The following SAFB2 variants were observed in gnomAD, a reference collection of about 807,000 sequenced individuals.
The protein encoded by SAFB2 is scaffold attachment factor B2.
Under a neutral mutation model 100.6 loss-of-function variants are expected in SAFB2, and 32 were observed. That is an observed-to-expected ratio of 0.32 (90% CI 0.24 to 0.43). SAFB2 has a LOEUF of 0.43. Among genes scored for constraint, SAFB2 ranks in the 20% least tolerant of loss-of-function variants. The pLI is 1.00. For missense variants in SAFB2, 1,185 were observed against 1,163.4 expected (o/e 1.02, Z -0.27); for synonymous variants, 500 against 439.4 (o/e 1.14, Z -1.72).
chr19:5,587,088 TAAAAA>T lies in SAFB2; in HGVS notation c.*150_*154del. On this transcript the variant is annotated 3_prime_UTR_variant, in exon 21 of 21. Transcript: ENST00000252542. The surrounding 1 kb of genome is among the most constrained non-coding windows in gnomAD (Gnocchi z 4.9). ...ATGGCAGAACAAGAACACATTTATT[TAAAAA>T]AAAAAAAAAAGTGAGTTCACATTGT... 1.3e-6 allele frequency: 1 copy of T among 790,934 alleles called. No individual in the cohort carries two copies. The highest frequency in any genetic ancestry group is 1.9e-6 in the Non-Finnish European group (1 of 531,728). The allele number at this position is 790,934 out of a possible 1,614,324, so 49.0% of individuals were successfully genotyped here.
rs2052271592 is a variant in SAFB2 at position 5,587,255 on chromosome 19, G to A, written c.2850C>T (p.Thr950=). The change falls in exon 21 of 21, where the codon ACC becomes ACT. Residue 950 remains threonine (T), a synonymous_variant. Coordinates refer to ENST00000252542, the MANE Select transcript of SAFB2 (RefSeq NM_014649.3). The surrounding 1 kb of genome is among the most constrained non-coding windows in gnomAD (Gnocchi z 4.9). ...HPHPPPYPHF[T]RRY Reference sequence around the variant, plus strand: ...CAGCGAGTGGGACTTAGTAGCGGCGGGTGAAGTGGGGGTACGGGGGGGGAT... The same window carrying A: ...CAGCGAGTGGGACTTAGTAGCGGCGAGTGAAGTGGGGGTACGGGGGGGGAT... 2.4e-5 allele frequency: 38 copies of A among 1,613,188 alleles called. No individual in the cohort carries two copies. Among genetic ancestry groups the A allele is most frequent in the Non-Finnish European group, 3.2e-5 (38 of 1,179,820 alleles).
chr19:5,619,576 A>G lies in SAFB2; in HGVS notation c.274+1733T>C, dbSNP rs576234632. Among the ~76,000 whole-genome samples, 14 of 152,316 alleles carry G rather than the reference A, an allele frequency of 9.2e-5. No homozygotes were observed. In the South Asian group the frequency reaches 2.7e-3, roughly 29 times the overall value. On this transcript the variant is annotated intron_variant, in intron 2 of 20. Coordinates refer to ENST00000252542, the MANE Select transcript of SAFB2 (RefSeq NM_014649.3). ...CCTGCTAGGCCGGGCACAGTGGCTC[A>G]TGCCTCTAATCCCAGCACTTTGGGA...
At chr19:5,592,134 C>A (rs2052421634) in intron 16 of SAFB2, among the ~76,000 whole-genome samples, 1 of 152,126 alleles carries the variant, frequency 6.6e-6, no homozygotes, top group Non-Finnish European at 1.5e-5. Flanking sequence ...CAACTCCACC[C>A]CAAACTCCAG....
At position 5,592,804 on chromosome 19, in the gene SAFB2, C is replaced by T. The variant is rs768643872; in HGVS notation, c.2291G>A (p.Arg764His). ...YRADFPRPDH[R>H]FHDFDHRDRG... ...GTCTCGATGATCGAAGTCGTGAAAG[C>T]GGTGGTCTGGCCGGGGAAAGTCTGC... The change falls in exon 16 of 21, where the codon CGC becomes CAC. Residue 764 changes from arginine (R) to histidine (H), a missense_variant. By Grantham distance (29) the Arg-to-His change is conservative. Around this residue, in one of 3 missense-constraint regions of SAFB2, gnomAD observed 740 missense variants for 687.1 expected, o/e 1.08. Transcript: ENST00000252542. 5.6e-6 allele frequency: 9 copies of T among 1,614,164 alleles called. No homozygotes were observed. Among genetic ancestry groups the T allele is most frequent in the East Asian group, 2.2e-5 (1 of 44,878 alleles).
At chr19:5,616,634 A>ATT in intron 2 of SAFB2, 148 bp from the exon 3 acceptor site, 3 of 510,342 alleles carry the variant, frequency 5.9e-6, no homozygotes, top group Admixed American at 3.8e-5. Context: ...TTTTGTCTCA[A>ATT]TTTGTTTTCT....
Position 5,587,504 on chromosome 19 carries a change from T to C in SAFB2, c.2706-105A>G. 6.7e-7 allele frequency: 1 copy of C among 1,483,158 alleles called. No individual in the cohort carries two copies. The highest frequency in any genetic ancestry group is 9.0e-7 in the Non-Finnish European group (1 of 1,110,978). The allele number at this position is 1,483,158 out of a possible 1,614,324, so 91.9% of individuals were successfully genotyped here. ...GCAGCCTTTAGAGCGCTTGGGTTTT[T>C]TTTCCAGGTGAGAAAAATCATCATC... is the stretch of plus-strand genomic sequence containing the variant. On this transcript the variant is annotated intron_variant, in intron 20 of 20. Coordinates refer to ENST00000252542, the MANE Select transcript of SAFB2 (RefSeq NM_014649.3). This position sits in a 1 kb window ranked among gnomAD's most constrained non-coding sequence, Gnocchi z 4.9.
intron 9 of SAFB2, among the ~76,000 whole-genome samples, chr19:5,606,163 C>A (rs2052770409): frequency 6.6e-6 from 1 of 152,232 alleles, no homozygotes; most frequent in South Asian, 2.1e-4. Flanking sequence ...ACTCAGAGGG[C>A]ACTGCCCAGT....
intron 13 of SAFB2, among the ~76,000 whole-genome samples, chr19:5,597,390 TA>T (rs1401794566): frequency 1.3e-5 from 2 of 152,054 alleles, no homozygotes; most frequent in Admixed American, 6.5e-5. Context: ...TCCCACCCTT[TA>T]TTTTTTTTAA....
chr19:5,598,918 T>C, intron 12 of SAFB2, 34 bp from the exon 13 acceptor site: 1 of 1,603,036 alleles, frequency 6.2e-7, no homozygotes, highest in Non-Finnish European at 8.5e-7. Context: ...TATCAAAACC[T>C]GTGGACGCCC....
intron 9 of SAFB2, among the ~76,000 whole-genome samples, chr19:5,605,189 C>T (rs1431955662): frequency 6.6e-6 from 1 of 151,814 alleles, no homozygotes; most frequent in African/African-American, 2.4e-5. Context: ...ACCGCGACCT[C>T]CGCCTCCTGG....
chr19:5,604,662 C>T lies in SAFB2; in HGVS notation c.1480G>A (p.Asp494Asn), dbSNP rs199976439. ...TTCTTCACTTCGCACTCTTTTCTGT[C>T]GGAAAGCTTTTTCCCAGCAGGCTCA... ...KNEPAGKKLS[D>N]RKECEVKKEK... Residue 494 changes from aspartate to asparagine, a missense_variant, in exon 11 of 21, where the codon GAC becomes AAC. Coordinates refer to ENST00000252542, the MANE Select transcript of SAFB2 (RefSeq NM_014649.3). 13 of 1,614,158 alleles carry T rather than the reference C, an allele frequency of 8.1e-6. No individual in the cohort carries two copies. The highest frequency in any genetic ancestry group is 2.2e-5 in the East Asian group (1 of 44,886).
At chr19:5,611,828 C>T (rs1192140428) in intron 6 of SAFB2, 198 bp from the exon 7 acceptor site, 14 of 690,004 alleles carry the variant, frequency 2.0e-5, no homozygotes, top group Admixed American at 4.8e-5. Context: ...TAAGCCTCTA[C>T]GCTACACGGA....
At chr19:5,591,280 T>G (rs1399029525) in intron 17 of SAFB2, 1 of 147,978 alleles carries the variant, frequency 6.8e-6, no homozygotes, top group Non-Finnish European at 1.5e-5. Context: ...CGCTTTTTTT[T>G]TTTTTTTTTT....
Position 5,611,569 on chromosome 19 carries a change from T to G in SAFB2, c.696A>C (p.Glu232Asp). Residue 232 changes from glutamate to aspartate, a missense_variant, in exon 7 of 21, where the codon GAA becomes GAC. By Grantham distance (45) the Glu-to-Asp change is conservative. Coordinates refer to ENST00000252542, the MANE Select transcript of SAFB2 (RefSeq NM_014649.3). ...CAAATGGCTGCTCCAGCTCGGAACTTTCTTCTTTTACTGGCTCAGATTTAC... is the reference window on the plus strand; with the variant it reads ...CAAATGGCTGCTCCAGCTCGGAACTGTCTTCTTTTACTGGCTCAGATTTAC... ...ETCKSEPVKE[E>D]SSELEQPFAQ... is the part of the protein sequence containing the mutation. 2.0e-6 allele frequency: 1 copy of G among 494,606 alleles called. No individual in the cohort carries two copies. Among genetic ancestry groups the G allele is most frequent in the Non-Finnish European group, 3.5e-6 (1 of 288,346 alleles). 30.6% of individuals were successfully genotyped at this position (494,606 alleles called of 1,614,324 possible). A position where few individuals can be genotyped will look rare whatever the true frequency, so the allele number is the denominator to read the frequency against.
rs150191839 is a variant in SAFB2, at chr19:5,608,582, G to A, written c.1296+1413C>T. 7.6e-4 allele frequency among the ~76,000 whole-genome samples: 116 copies of A among 152,298 alleles called. 1 individual carries two copies. Among genetic ancestry groups the A allele is most frequent in the African/African-American group, 2.7e-3 (113 of 41,542 alleles). ...ATGAAACATTAACCAACACCTGATC[G>A]GGTGACACAGACCTAGACAAAGGAA... is the stretch of plus-strand genomic sequence containing the variant. On this transcript the variant is annotated intron_variant, in intron 9 of 20. Coordinates refer to ENST00000252542, the MANE Select transcript of SAFB2 (RefSeq NM_014649.3).
At chr19:5,616,638 G>GTT in intron 2 of SAFB2, 152 bp from the exon 3 acceptor site, 10 of 144,330 alleles carry the variant, frequency 6.9e-5, no homozygotes, top group South Asian at 1.3e-4. Flanking sequence ...GTCTCAATTT[G>GTT]TTTTCTTTTT....
rs1457702516 is a variant in SAFB2, at chr19:5,593,644, G to A, written c.2207+247C>T. 3.8e-5 allele frequency: 17 copies of A among 441,718 alleles called. No individual in the cohort carries two copies. The East Asian group carries it at 6.2e-4, about 16-fold the overall frequency. 27.4% of individuals were successfully genotyped at this position (441,718 alleles called of 1,614,324 possible). On this transcript the variant is annotated intron_variant, in intron 15 of 20. Transcript: ENST00000252542. ...AGCATCACAAACCCTTCAGCAAGTG[G>A]CAGCCATCAAGTTTCCCAGAATAAC...
At chr19:5,612,028 A>G (rs1300302896) in intron 6 of SAFB2, 2 of 359,042 alleles carry the variant, frequency 5.6e-6, no homozygotes, top group Non-Finnish European at 1.0e-5. Context: ...TAACAGAACA[A>G]TCCAATATGA....
At chr19:5,621,706 G>A (rs1159920698) in intron 1 of SAFB2, among the ~76,000 whole-genome samples, 4 of 152,216 alleles carry the variant, frequency 2.6e-5, no homozygotes, top group African/African-American at 4.8e-5. Context: ...TATATGATGG[G>A]ACAAATTAGA....
Sources: gnomAD v4.1 joint callset for allele counts (sites outside exome capture counted in the v4.1 genomes callset) on GRCh38, gnomAD v4.1.1 for gene constraint, gnomAD v4.1.1 regional missense constraint, Gnocchi (gnomAD v3.1) non-coding constraint, MANE v1.5 for transcripts, NCBI Gene and HGNC (gene_info 2026-07-23, HGNC 2026-07-21) for gene names.